PLEKHA7: variants seen among roughly 807,000 people sequenced by gnomAD.
PLEKHA7 encodes the protein pleckstrin homology domain-containing family A member 7.
A neutral mutation model predicts 170.0 loss-of-function variants in PLEKHA7; 104 were observed. That is an observed-to-expected ratio of 0.61 (90% confidence interval 0.52 to 0.72). The LOEUF (loss-of-function observed/expected upper bound fraction) is 0.72. Ranked by LOEUF, PLEKHA7 falls within the 30% of genes least tolerant of loss-of-function variation. The pLI is 0.00. For synonymous variants in PLEKHA7, 648 were observed against 660.8 expected (o/e 0.98, Z 0.30); for missense variants, 1,615 against 1,671.7 (o/e 0.97, Z 0.59).
chr11:16,928,104 C>G (rs1299970461), intron 3 of PLEKHA7, among the ~76,000 whole-genome samples: 1 of 152,126 alleles, frequency 6.6e-6, no homozygotes, highest in Non-Finnish European at 1.5e-5. Context: ...GCATGTCATC[C>G]TCACAACAAG....
chr11:16,942,896 T>C (rs74886865), intron 3 of PLEKHA7, among the ~76,000 whole-genome samples: 7,442 of 152,336 alleles, frequency 0.049, 255 homozygotes, highest in Middle Eastern at 0.078. Flanking sequence ...TTAGATTCTA[T>C]TTCATAAATT....
chr11:16,828,798 G>A (rs1326157224), intron 9 of PLEKHA7, among the ~76,000 whole-genome samples: 1 of 152,202 alleles, frequency 6.6e-6, no homozygotes, highest in African/African-American at 2.4e-5. Flanking sequence ...TGGTTCAGGA[G>A]TTGACTACTC....
intron 9 of PLEKHA7, among the ~76,000 whole-genome samples, chr11:16,832,801 A>T (rs935873994): frequency 1.3e-5 from 2 of 152,132 alleles, no homozygotes; most frequent in Non-Finnish European, 2.9e-5. Flanking sequence ...GGCCACTGAG[A>T]GTCTTGGAGA....
intron 13 of PLEKHA7, among the ~76,000 whole-genome samples, chr11:16,805,558 A>G (rs1466970438): frequency 2.0e-5 from 3 of 151,946 alleles, no homozygotes; most frequent in Non-Finnish European, 4.4e-5. Context: ...TTGGGAGGCC[A>G]AGGCGGGTGA....
At chr11:16,847,740 G>T (rs927740150) in intron 8 of PLEKHA7, among the ~76,000 whole-genome samples, 1 of 151,364 alleles carries the variant, frequency 6.6e-6, no homozygotes, top group African/African-American at 2.4e-5. Context: ...CACTCGGAAG[G>T]CTAAGGCAGA....
intron 26 of PLEKHA7, among the ~76,000 whole-genome samples, chr11:16,780,169 C>T (rs550662818): frequency 1.3e-5 from 2 of 152,304 alleles, no homozygotes; most frequent in South Asian, 4.1e-4. Context: ...GGTAGTCTGA[C>T]CTTCCCCTGT....
At chr11:16,801,537 C>G (rs946323245) in intron 16 of PLEKHA7, 131 bp downstream of exon 16, 1 of 1,157,422 alleles carries the variant, frequency 8.6e-7, no homozygotes, top group African/African-American at 1.5e-5. Context: ...GGCAGTTCTG[C>G]TACTGGAGAA....
chr11:16,801,866 G>C, intron 15 of PLEKHA7, 49 bp from the exon 16 acceptor site: 1 of 1,608,430 alleles, frequency 6.2e-7, no homozygotes, highest in Non-Finnish European at 8.5e-7. Context: ...ACAGTCCCCA[G>C]AGGCCTCCCC....
chr11:16,950,092 G>A (rs181217007), intron 3 of PLEKHA7, among the ~76,000 whole-genome samples: 3 of 135,422 alleles, frequency 2.2e-5, no homozygotes, highest in Admixed American at 7.3e-5. Context: ...GGCGGGGGGC[G>A]GGGGCGGAGC....
chr11:16,898,397 G>A (rs1005923798), intron 3 of PLEKHA7, among the ~76,000 whole-genome samples: 2 of 152,174 alleles, frequency 1.3e-5, no homozygotes, highest in African/African-American at 4.8e-5. Flanking sequence ...AGATTTGAGT[G>A]TTCAGTGGCC....
At chr11:16,950,914 C>G (rs550153280) in intron 3 of PLEKHA7, among the ~76,000 whole-genome samples, 2 of 152,306 alleles carry the variant, frequency 1.3e-5, no homozygotes, top group South Asian at 4.1e-4. Flanking sequence ...TTTCACGACA[C>G]TCAGGAATCC....
chr11:16,880,691 C>T (rs1010981560), intron 3 of PLEKHA7, among the ~76,000 whole-genome samples: 1 of 152,226 alleles, frequency 6.6e-6, no homozygotes, highest in Non-Finnish European at 1.5e-5. Flanking sequence ...CCACCAGCCA[C>T]ACTTCCATCC....
chr11:16,833,628 G>A (rs1422216583), intron 9 of PLEKHA7, among the ~76,000 whole-genome samples: 1 of 152,146 alleles, frequency 6.6e-6, no homozygotes, highest in East Asian at 1.9e-4. Flanking sequence ...AGGCCCTACT[G>A]TGTGCTAGGA....
chr11:16,884,622 G>A (rs1855940972), intron 3 of PLEKHA7, among the ~76,000 whole-genome samples: 1 of 149,586 alleles, frequency 6.7e-6, no homozygotes, highest in African/African-American at 2.5e-5. Flanking sequence ...ACAACAGAGT[G>A]AGACTATGTT....
chr11:16,912,325 G>T (rs923544134), intron 3 of PLEKHA7, among the ~76,000 whole-genome samples: 2 of 152,140 alleles, frequency 1.3e-5, no homozygotes, highest in Admixed American at 1.3e-4. Context: ...CCTTGCAGTG[G>T]GGACTTTGGC....
intron 6 of PLEKHA7, 42 bp downstream of exon 6, chr11:16,854,847 A>C: frequency 6.4e-7 from 1 of 1,557,904 alleles, no homozygotes; most frequent in Non-Finnish European, 8.9e-7. Flanking sequence ...GAACTCAGCC[A>C]GAGCCATTTC....
chr11:16,859,833 T>C (rs1853792036), intron 4 of PLEKHA7, among the ~76,000 whole-genome samples: 1 of 152,254 alleles, frequency 6.6e-6, no homozygotes, highest in South Asian at 2.1e-4. Flanking sequence ...TCAGGCACAC[T>C]GCGTCACGCA....
intron 3 of PLEKHA7, among the ~76,000 whole-genome samples, chr11:16,992,406 A>G (rs1864099811): frequency 6.6e-6 from 1 of 152,314 alleles, no homozygotes. Flanking sequence ...TCAGTCCTAC[A>G]TGGGTAAACA....
intron 3 of PLEKHA7, among the ~76,000 whole-genome samples, chr11:17,002,032 T>C (rs1021620392): frequency 3.3e-5 from 5 of 152,202 alleles, no homozygotes; most frequent in Non-Finnish European, 7.3e-5. Flanking sequence ...CTGACATCTG[T>C]GGCGGGAGAG....
Sources: allele counts gnomAD v4.1 joint callset (sites outside exome capture counted in the v4.1 genomes callset), GRCh38; gene constraint gnomAD v4.1.1; transcripts MANE v1.5; gene names NCBI Gene and HGNC (gene_info 2026-07-23, HGNC 2026-07-21).